Variants in MEIS3 observed in about 807,000 individuals in gnomAD.
MEIS3 encodes homeobox protein Meis3.
A neutral mutation model predicts 51.4 loss-of-function variants in MEIS3; 38 were observed. The ratio of observed to expected loss-of-function variants is 0.74; its 90% CI spans 0.57 to 0.97. The LOEUF (loss-of-function observed/expected upper bound fraction) is 0.97, where lower values mean the gene tolerates loss of function less well. Ranked by LOEUF, MEIS3 falls within the 50% of genes least tolerant of loss-of-function variation. The pLI is 0.00. For missense variants in MEIS3, 456 were observed against 502.6 expected (o/e 0.91, Z 0.89); for synonymous variants, 198 against 201.8 (o/e 0.98, Z 0.16).
intron 6 of MEIS3, among the ~76,000 whole-genome samples, chr19:47,413,074 G>A (rs1027267493): frequency 2.6e-5 from 4 of 151,774 alleles, no homozygotes. Flanking sequence ...TGACACTGTT[G>A]TTGCGATTCC....
intron 1 of MEIS3, chr19:47,417,647 G>C (rs553686617): frequency 8.5e-6 from 6 of 702,786 alleles, no homozygotes; most frequent in African/African-American, 3.5e-5. Flanking sequence ...AGAAAGTGGC[G>C]TGAGAAGACA....
chr19:47,421,456 G>A (rs747926810), upstream of MEIS3, among the ~76,000 whole-genome samples: 34 of 152,128 alleles, frequency 2.2e-4, no homozygotes, highest in Admixed American at 1.4e-3. Context: ...GGAGCAGACC[G>A]AATGAACGAG....
At chr19:47,420,940 ACTCTCTCTCTCTCT>A (rs71180840), upstream of MEIS3, among the ~76,000 whole-genome samples, 1 of 91,002 alleles carries the variant, frequency 1.1e-5, no homozygotes, top group African/African-American at 5.7e-5. Flanking sequence ...ACACACACAC[ACTCTCTCTCTCTCT>A]CTCTCTCTCT....
rs764609395 is a variant in MEIS3 at position 47,407,338 on chromosome 19, C to G, written c.935+14G>C. The G allele has an allele frequency of 1.2e-6, 2 of 1,611,922 alleles. No individual in the cohort carries two copies. Among genetic ancestry groups the G allele is most frequent in the East Asian group, 4.5e-5 (2 of 44,764 alleles). The stretch of plus-strand genomic sequence containing the variant: ...CGCCCCGGGCCGGCCCGCGGGCCCT[C>G]CTGGGCCACTCACCAGTTGTTGACT... On this transcript the variant is annotated intron_variant, in intron 9 of 12. Transcript: ENST00000558555.
chr19:47,407,132 A>G lies in MEIS3; in HGVS notation c.941T>C (p.Ile314Thr). The G allele has an allele frequency of 6.2e-7, 1 of 1,610,200 alleles. No individual in the cohort carries two copies. The highest frequency in any genetic ancestry group is 1.3e-5 in the African/African-American group (1 of 74,966). ...LTILQVNNWFINARRRIVQPM... is the reference protein window; with the variant it reads ...LTILQVNNWFTNARRRIVQPM... The stretch of plus-strand genomic sequence containing the variant: ...TTGCACGATGCGTCTCCGGGCGTTA[A>G]TGAACCTGGGAGGCGGTCATGGAAA... The change falls in exon 10 of 13, where the codon ATT (isoleucine) becomes ACT (threonine). Residue 314 changes from isoleucine to threonine, a missense_variant. Ile to Thr is a moderately conservative substitution (Grantham distance 89). Coordinates refer to ENST00000558555, the MANE Select transcript of MEIS3 (RefSeq NM_001301059.2).
chr19:47,420,134 G>C (rs561568314), upstream of MEIS3, among the ~76,000 whole-genome samples: 4 of 152,200 alleles, frequency 2.6e-5, no homozygotes, highest in Non-Finnish European at 2.9e-5. Flanking sequence ...GCAGTCCGAG[G>C]GGAAGGGTCT....
Position 47,416,696 on chromosome 19 carries a change from A to T in MEIS3, c.352T>A (p.Ser118Thr). The T allele has an allele frequency of 1.9e-6, 3 of 1,577,160 alleles. No homozygotes were observed. Among genetic ancestry groups the T allele is most frequent in the Non-Finnish European group, 2.6e-6 (3 of 1,161,514 alleles). The change falls in exon 4 of 13, where the codon TCT (serine) becomes ACT (threonine). Residue 118 changes from serine (S) to threonine (T), a missense_variant. Physicochemically the swap from Ser to Thr is moderately conservative, Grantham distance 58 (BLOSUM62 1). Transcript: ENST00000558555. ...DIAAFAKQVR[S>T]ERPLFSSNPE... ...TTGGAGGAGAAGAGGGGCCTCTCAG[A>T]GCGAACCTGGGAGGGAAGAGAGAGG...
intron 6 of MEIS3, among the ~76,000 whole-genome samples, chr19:47,414,136 A>T (rs369946845): frequency 3.2e-4 from 49 of 151,186 alleles, no homozygotes; most frequent in African/African-American, 1.2e-3. Context: ...TGTGCGTGTG[A>T]TCTCGGCTGC....
At chr19:47,410,035 G>A (rs1051370356) in intron 6 of MEIS3, among the ~76,000 whole-genome samples, 2 of 151,102 alleles carry the variant, frequency 1.3e-5, no homozygotes, top group African/African-American at 2.4e-5. Flanking sequence ...GACCAGGCAC[G>A]GTGGCTCACG....
upstream of MEIS3, among the ~76,000 whole-genome samples, chr19:47,421,060 G>T (rs1484663320): frequency 6.6e-6 from 1 of 151,810 alleles, no homozygotes; most frequent in Admixed American, 6.6e-5. Context: ...GTGCTGGAGC[G>T]GGGGTGCCTG....
chr19:47,403,209 C>T lies in MEIS3; in HGVS notation c.*362G>A, dbSNP rs1363786860. ...GGACAGGAGAGTGAAGGAATCTCTCCAAAATGTCGGATCCGGGCGACCCTC... is the reference window on the plus strand; with the variant it reads ...GGACAGGAGAGTGAAGGAATCTCTCTAAAATGTCGGATCCGGGCGACCCTC... On this transcript the variant is annotated 3_prime_UTR_variant, in exon 13 of 13. Coordinates refer to ENST00000558555, the MANE Select transcript of MEIS3 (RefSeq NM_001301059.2). 1 of 304,446 alleles carries T rather than the reference C, an allele frequency of 3.3e-6. No individual in the cohort carries two copies. Among genetic ancestry groups the T allele is most frequent in the African/African-American group, 2.3e-5 (1 of 43,580 alleles). 18.9% of individuals were successfully genotyped at this position (304,446 alleles called of 1,614,324 possible). A position where few individuals can be genotyped will look rare whatever the true frequency, so the allele number is the denominator to read the frequency against.
Position 47,403,505 on chromosome 19 carries a change from G to A in MEIS3, c.*66C>T, listed in dbSNP as rs1029938760. 4 of 456,012 alleles carry A rather than the reference G, an allele frequency of 8.8e-6. No individual in the cohort carries two copies. Among genetic ancestry groups the A allele is most frequent in the Admixed American group, 2.4e-5 (1 of 42,478 alleles). The allele number at this position is 456,012 out of a possible 1,614,324, so 28.2% of individuals were successfully genotyped here. A position where few individuals can be genotyped will look rare whatever the true frequency, so the allele number is the denominator to read the frequency against. ...GGGTCCTGAAGCTGGAGGACCAGGC[G>A]GGAACCAGAGGCAGGTGTGAGGCTG... On this transcript the variant is annotated 3_prime_UTR_variant, in exon 13 of 13. Coordinates refer to ENST00000558555, the MANE Select transcript of MEIS3 (RefSeq NM_001301059.2).
At position 47,417,030 on chromosome 19, in the gene MEIS3, T is replaced by A. The variant is rs1321006617; in HGVS notation, c.186-67A>T. 3 of 1,543,032 alleles carry A rather than the reference T, an allele frequency of 1.9e-6. No homozygotes were observed. The African/African-American group carries it at 4.1e-5, about 21-fold the overall frequency. On this transcript the variant is annotated intron_variant, in intron 2 of 12. Transcript: ENST00000558555. ...GAGGTGGATGGAGGGGCTGCCAAGA[T>A]GCAGAACAGCTGGGGAGGGGACAAG...
upstream of MEIS3, among the ~76,000 whole-genome samples, chr19:47,420,904 TCTCTCTCA>T (rs1331570497): frequency 2.5e-4 from 23 of 92,772 alleles, no homozygotes; most frequent in African/African-American, 8.2e-4. Flanking sequence ...TCTCTCTCTC[TCTCTCTCA>T]CACACACACA....
rs1971322997 is a variant in MEIS3 at position 47,414,886 on chromosome 19, C to CG, written c.448-21_448-20insC. ...GTGGACCTGGGGGGGCACCGGGGTA[C>CG]TGGGGGGGGCCACCCACGGGGGCAG... On this transcript the variant is annotated intron_variant, in intron 5 of 12. Transcript: ENST00000558555. 3.8e-5 allele frequency: 44 copies of CG among 1,162,856 alleles called. No individual in the cohort carries two copies. Among genetic ancestry groups the CG allele is most frequent in the Non-Finnish European group, 4.6e-5 (40 of 871,318 alleles). 72.0% of individuals were successfully genotyped at this position (1,162,856 alleles called of 1,614,324 possible).
In MEIS3 at chr19:47,415,063, C is replaced by T. The variant is rs1316427636; in HGVS notation, c.435G>A (p.Leu145=). ...GAGACGCGCTCACCTTCTCCAGCTC[C>T]AGCAGGTGGAACCGCAGCACCTGGA... ...QAIQVLRFHL[L]ELEKVHDLCD... Residue 145 remains leucine, a synonymous_variant, in exon 5 of 13, where the codon CTG becomes CTA. Coordinates refer to ENST00000558555, the MANE Select transcript of MEIS3 (RefSeq NM_001301059.2). The T allele has an allele frequency of 6.4e-7, 1 of 1,553,240 alleles. No individual in the cohort carries two copies. Among genetic ancestry groups the T allele is most frequent in the South Asian group, 1.2e-5 (1 of 84,876 alleles).
chr19:47,416,824 T>C lies in MEIS3; in HGVS notation c.325A>G (p.Ile109Val), dbSNP rs762219288. The C allele has an allele frequency of 4.3e-6, 7 of 1,613,786 alleles. No homozygotes were observed. Among genetic ancestry groups the C allele is most frequent in the Admixed American group, 3.3e-5 (2 of 59,936 alleles). Reference protein sequence around the residue: ...VCSSDSFNEDIAAFAKQVRSE... With the variant: ...VCSSDSFNEDVAAFAKQVRSE... ...CCCACCTGCTTGGCAAAGGCAGCGA[T>C]GTCCTCGTTGAAGGAATCAGAGGAG... The change falls in exon 3 of 13, where the codon ATC (isoleucine) becomes GTC (valine). Residue 109 changes from isoleucine to valine, a missense_variant. Transcript: ENST00000558555.
chr19:47,420,940 A>ACACACACACACTCTCTCT (rs1187725467), upstream of MEIS3, among the ~76,000 whole-genome samples: 24 of 90,982 alleles, frequency 2.6e-4, no homozygotes, highest in Admixed American at 3.3e-4. Flanking sequence ...ACACACACAC[A>ACACACACACACTCTCTCT]CTCTCTCTCT....
At chr19:47,405,136 C>A (rs1209599497) in intron 12 of MEIS3, among the ~76,000 whole-genome samples, 1 of 152,220 alleles carries the variant, frequency 6.6e-6, no homozygotes, top group African/African-American at 2.4e-5. Context: ...TAGACCTGTG[C>A]AAGTGACCTC....
Sources: allele counts gnomAD v4.1 joint callset (sites outside exome capture counted in the v4.1 genomes callset), GRCh38; gene constraint gnomAD v4.1.1; transcripts MANE v1.5; gene names NCBI Gene and HGNC (gene_info 2026-07-23, HGNC 2026-07-21).